Variants in MUSK observed in about 807,000 individuals in gnomAD.
MUSK encodes muscle, skeletal receptor tyrosine-protein kinase.
A neutral mutation model predicts 88.7 loss-of-function variants in MUSK; 55 were observed. The ratio of observed to expected loss-of-function variants is 0.62; its 90% CI spans 0.50 to 0.78. The LOEUF (loss-of-function observed/expected upper bound fraction) is 0.78. MUSK is among the 30% of genes least tolerant of loss of function. The pLI is 0.00. For missense variants in MUSK, 1,015 were observed against 1,074.3 expected (o/e 0.94, Z 0.77); for synonymous variants, 387 against 391.9 (o/e 0.99, Z 0.15).
intron 5 of MUSK, among the ~76,000 whole-genome samples, chr9:110,720,998 A>T (rs1243902279): frequency 6.6e-6 from 1 of 152,116 alleles, no homozygotes; most frequent in Non-Finnish European, 1.5e-5. Flanking sequence ...AATCACGATC[A>T]TCTCAGTAGA....
At chr9:110,785,978 A>G (rs868005434) in intron 13 of MUSK, among the ~76,000 whole-genome samples, 5 of 149,146 alleles carry the variant, frequency 3.4e-5, no homozygotes, top group African/African-American at 7.3e-5. Flanking sequence ...TATATGTATT[A>G]TATGGTAATA....
intron 6 of MUSK, among the ~76,000 whole-genome samples, chr9:110,734,797 T>C (rs1164914214): frequency 6.6e-6 from 1 of 152,134 alleles, no homozygotes; most frequent in Non-Finnish European, 1.5e-5. Flanking sequence ...AACTGATGTA[T>C]ATTAAGTAGT....
chr9:110,716,437 G>A (rs1161717162), intron 5 of MUSK, among the ~76,000 whole-genome samples: 1 of 150,028 alleles, frequency 6.7e-6, no homozygotes, highest in African/African-American at 2.5e-5. Flanking sequence ...AGTAAATTTA[G>A]AGGCAAGGAT....
intron 5 of MUSK, among the ~76,000 whole-genome samples, chr9:110,711,620 CAGA>C (rs2076672324): frequency 6.6e-6 from 1 of 152,138 alleles, no homozygotes; most frequent in South Asian, 2.1e-4. Flanking sequence ...TAGAAGCTTG[CAGA>C]AGACCAAGCT....
At chr9:110,737,463 TTTTG>T (rs1174552187) in intron 6 of MUSK, among the ~76,000 whole-genome samples, 2 of 152,098 alleles carry the variant, frequency 1.3e-5, no homozygotes, top group Non-Finnish European at 2.9e-5. Flanking sequence ...TACATTGCTT[TTTTG>T]TTTAATTTTT....
rs1248225504 is a variant in MUSK at position 110,755,956 on chromosome 9, A to G, written c.914-6246A>G. On this transcript the variant is annotated intron_variant, in intron 7 of 14. Coordinates refer to ENST00000374448, the MANE Select transcript of MUSK (RefSeq NM_005592.4). Reference sequence around the variant, plus strand: ...TACATATATATATATATATACACATATATATATACATATATATATATACAT... The same window carrying G: ...TACATATATATATATATATACACATGTATATATACATATATATATATACAT... Among the ~76,000 whole-genome samples, 22 of 73,548 alleles carry G rather than the reference A, an allele frequency of 3.0e-4. No individual in the cohort carries two copies. In the East Asian group the frequency reaches 9.2e-3, roughly 31 times the overall value. 48.3% of individuals were successfully genotyped at this position (73,548 alleles called of 152,430 possible). A position where few individuals can be genotyped will look rare whatever the true frequency, so the allele number is the denominator to read the frequency against.
chr9:110,711,027 C>T (rs1467589535), intron 5 of MUSK, among the ~76,000 whole-genome samples: 4 of 152,036 alleles, frequency 2.6e-5, no homozygotes, highest in African/African-American at 4.8e-5. Flanking sequence ...CATGTTCTCA[C>T]TCATAGGTGG....
intron 7 of MUSK, among the ~76,000 whole-genome samples, chr9:110,749,449 G>T (rs1940249): frequency 0.27 from 41,079 of 152,080 alleles, 6,455 homozygotes; most frequent in Non-Finnish European, 0.35. Context: ...GTCAAGGCTA[G>T]ACCACGAGAG....
intron 2 of MUSK, among the ~76,000 whole-genome samples, chr9:110,684,663 G>A (rs2076171983): frequency 1.3e-5 from 2 of 151,734 alleles, no homozygotes; most frequent in South Asian, 2.1e-4. Context: ...TTTCATTGAT[G>A]TCTTACAGTT....
rs367941340 is a variant in MUSK, at chr9:110,804,344, C to G, written c.*3356C>G. On this transcript the variant is annotated 3_prime_UTR_variant, in exon 15 of 15. Coordinates refer to ENST00000374448, the MANE Select transcript of MUSK (RefSeq NM_005592.4). Reference sequence around the variant, plus strand: ...CACTTCTGTTATGTGGTTTCATATTCTGCAGAAATATTACTGCCACTTCTA... The same window carrying G: ...CACTTCTGTTATGTGGTTTCATATTGTGCAGAAATATTACTGCCACTTCTA... Among the ~76,000 whole-genome samples, 1 of 152,166 alleles carries G rather than the reference C, an allele frequency of 6.6e-6. No homozygotes were observed. Among genetic ancestry groups the G allele is most frequent in the East Asian group, 1.9e-4 (1 of 5,170 alleles).
chr9:110,728,891 TA>T (rs1044923104), intron 5 of MUSK, among the ~76,000 whole-genome samples: 1 of 152,032 alleles, frequency 6.6e-6, no homozygotes, highest in African/African-American at 2.4e-5. Context: ...GCTTCTTTAT[TA>T]TATAATATGC....
intron 1 of MUSK, among the ~76,000 whole-genome samples, chr9:110,671,220 T>C (rs998722242): frequency 2.6e-5 from 4 of 152,130 alleles, no homozygotes; most frequent in Non-Finnish European, 5.9e-5. Flanking sequence ...TCTGCCTGCC[T>C]CGGCCTCCCA....
intron 13 of MUSK, among the ~76,000 whole-genome samples, chr9:110,786,739 T>C (rs1314777385): frequency 6.6e-6 from 1 of 152,194 alleles, no homozygotes; most frequent in Non-Finnish European, 1.5e-5. Flanking sequence ...GGGCCAATAT[T>C]AGCCTATGTA....
At chr9:110,729,017 C>T (rs892124510) in intron 5 of MUSK, among the ~76,000 whole-genome samples, 3 of 151,566 alleles carry the variant, frequency 2.0e-5, no homozygotes, top group African/African-American at 7.3e-5. Context: ...GAGTATAAAT[C>T]CCACATAGAT....
Position 110,803,643 on chromosome 9 carries a change from AG to A in MUSK, c.*2656del, listed in dbSNP as rs1252544303. 3.3e-5 allele frequency among the ~76,000 whole-genome samples: 5 copies of A among 152,354 alleles called. No homozygotes were observed. The highest frequency in any genetic ancestry group is 1.2e-4 in the African/African-American group (5 of 41,586). On this transcript the variant is annotated 3_prime_UTR_variant, in exon 15 of 15. Transcript: ENST00000374448. ...AGTCTTTTTAATGAATAGCAAAAAAAGTATATTTCAGCATTATCAATTTAAG... is the reference window on the plus strand; with the variant it reads ...AGTCTTTTTAATGAATAGCAAAAAAATATATTTCAGCATTATCAATTTAAG...
At chr9:110,747,859 A>G in intron 7 of MUSK, 59 bp downstream of exon 7, 1 of 1,561,924 alleles carries the variant, frequency 6.4e-7, no homozygotes, top group Admixed American at 1.7e-5. Flanking sequence ...ATACTATTCT[A>G]CAATATCGAG....
chr9:110,689,486 A>C (rs1451185033), intron 3 of MUSK, among the ~76,000 whole-genome samples: 1 of 107,802 alleles, frequency 9.3e-6, no homozygotes, highest in Non-Finnish European at 1.7e-5. Flanking sequence ...AAATATAAAA[A>C]TATGTAAAAA....
chr9:110,775,267 C>T (rs1378410887), intron 9 of MUSK: 1 of 161,362 alleles, frequency 6.2e-6, no homozygotes, highest in African/African-American at 2.4e-5. Flanking sequence ...CCCAGATGCC[C>T]TCCTATAAGC....
chr9:110,670,287 T>C (rs1304815122), intron 1 of MUSK, among the ~76,000 whole-genome samples: 1 of 152,220 alleles, frequency 6.6e-6, no homozygotes, highest in Non-Finnish European at 1.5e-5. Flanking sequence ...CAGATTATTT[T>C]AATACTTCCT....
Sources: gnomAD v4.1 joint callset for allele counts (sites outside exome capture counted in the v4.1 genomes callset) on GRCh38, gnomAD v4.1.1 for gene constraint, MANE v1.5 for transcripts, NCBI Gene and HGNC (gene_info 2026-07-23, HGNC 2026-07-21) for gene names.